CYP2A7: variants seen among roughly 807,000 people sequenced by gnomAD.
The protein encoded by CYP2A7 is cytochrome P450 2A7.
Under a neutral mutation model 42.0 loss-of-function variants are expected in CYP2A7, and 36 were observed. That is an observed-to-expected ratio of 0.86 (90% CI 0.66 to 1.13). CYP2A7 has a LOEUF of 1.13. Ranked by LOEUF, CYP2A7 falls within the 50% of genes most tolerant of loss-of-function variation. The pLI is 0.00. For synonymous variants in CYP2A7, 260 were observed against 249.5 expected (o/e 1.04, Z -0.40); for missense variants, 661 against 634.1 (o/e 1.04, Z -0.46).
intron 2 of CYP2A7, among the ~76,000 whole-genome samples, 174 bp from the exon 3 acceptor site, chr19:40,880,802 A>AC (rs1568527928): frequency 2.8e-3 from 8 of 2,834 alleles, no homozygotes; most frequent in East Asian, 7.8e-3. Context: ...CACGAGGGAG[A>AC]GAGAGAGAGA....
In CYP2A7 at chr19:40,880,246, T is replaced by G. The variant is rs1967624019; in HGVS notation, c.494-2A>C. ...AGAAGGTGGGATCGATATTGGCGCC[T>G]GCGGGTGTGGAGGGAGAAGGGGGTT... On this transcript the variant is annotated splice_acceptor_variant, in intron 3 of 8. Transcript: ENST00000301146. LOFTEE classifies it high-confidence loss of function. 1.2e-6 allele frequency: 2 copies of G among 1,612,124 alleles called. No individual in the cohort carries two copies. Among genetic ancestry groups the G allele is most frequent in the Admixed American group, 1.7e-5 (1 of 59,808 alleles).
intron 6 of CYP2A7, 38 bp from the exon 7 acceptor site, chr19:40,877,415 G>A: frequency 6.2e-7 from 1 of 1,604,806 alleles, no homozygotes. Context: ...GTATCTGGGA[G>A]TCTCAGAGCA....
rs919847602 is a variant in CYP2A7, at chr19:40,881,448, A to G, written c.343+141T>C. On this transcript the variant is annotated intron_variant, in intron 2 of 8. Coordinates refer to ENST00000301146, the MANE Select transcript of CYP2A7 (RefSeq NM_000764.3). ...TGAGGGATACACATGGAGAGGCCAC[A>G]GTGAAGGGAGATGGGGAGATAAGAC... is the stretch of plus-strand genomic sequence containing the variant. The G allele has an allele frequency of 5.4e-5, 77 of 1,420,788 alleles. 2 individuals carry two copies. Among genetic ancestry groups the G allele is most frequent in the Admixed American group, 6.9e-5 (3 of 43,684 alleles). The allele number at this position is 1,420,788 out of a possible 1,614,324, so 88.0% of individuals were successfully genotyped here. A position where few individuals can be genotyped will look rare whatever the true frequency, so the allele number is the denominator to read the frequency against.
At chr19:40,880,302 G>C in intron 3 of CYP2A7, 58 bp from the exon 4 acceptor site, 2 of 1,592,550 alleles carry the variant, frequency 1.3e-6, no homozygotes. Flanking sequence ...GGTCTGAGGA[G>C]AATCAGAATT....
rs1599795503 is a variant in CYP2A7 at position 40,881,500 on chromosome 19, C to A, written c.343+89G>T. The stretch of plus-strand genomic sequence containing the variant: ...AGACCGGGGGTTCTGCCATAGCCTC[C>A]AGTGGGCAGGAGAGTCAGGGAGAAG... On this transcript the variant is annotated intron_variant, in intron 2 of 8. Coordinates refer to ENST00000301146, the MANE Select transcript of CYP2A7 (RefSeq NM_000764.3). 26 of 1,586,112 alleles carry A rather than the reference C, an allele frequency of 1.6e-5. 1 individual carries two copies. The East Asian group carries it at 3.4e-4, about 20-fold the overall frequency.
rs1002533572 is a variant in CYP2A7 at position 40,881,714 on chromosome 19, A to G, written c.218T>C (p.Leu73Ser). Residue 73 changes from leucine to serine, a missense_variant, in exon 2 of 9, where the codon TTG becomes TCG. Around this residue, in one of 3 missense-constraint regions of CYP2A7, gnomAD observed 614 missense variants for 552.4 expected, o/e 1.11. Transcript: ENST00000301146. ...ECYGPVFTIH[L>S]GPRRVVVLCG... is the part of the protein sequence containing the mutation. ...CAGCACCACGACCCGCCGGGGCCCC[A>G]AGTGAATGGTGAACACGGGGCCATA... 17 of 1,609,788 alleles carry G rather than the reference A, an allele frequency of 1.1e-5. No homozygotes were observed. Among genetic ancestry groups the G allele is most frequent in the Non-Finnish European group, 1.4e-5 (16 of 1,177,866 alleles).
chr19:40,878,321 T>G (rs1021324137), intron 5 of CYP2A7, among the ~76,000 whole-genome samples: 1 of 151,810 alleles, frequency 6.6e-6, no homozygotes, highest in Admixed American at 6.6e-5. Context: ...TCCTCCACCC[T>G]TAGCCTCCTG....
At chr19:40,881,366 A>T (rs1009042181) in intron 2 of CYP2A7, among the ~76,000 whole-genome samples, 3 of 151,574 alleles carry the variant, frequency 2.0e-5, no homozygotes, top group African/African-American at 7.2e-5. Flanking sequence ...GAGAGAGAAT[A>T]AGGAGGTGGG....
rs564470109 is a variant in CYP2A7 at position 40,878,768 on chromosome 19, T to C, written c.823A>G (p.Met275Val). Residue 275 changes from methionine to valine, a missense_variant, in exon 5 of 9, where the codon ATG becomes GTG. By Grantham distance (21) the Met-to-Val change is conservative (BLOSUM62 1). Transcript: ENST00000301146. The stretch of plus-strand genomic sequence containing the variant: ...TGGCTGCTGGGGTGTACCTCCTGCA[T>C]GTGGATGAGAAAGGAGTCGATGAAG... The part of the protein sequence containing the change: ...QDFIDSFLIH[M>V]QEEEKNPNTE... The C allele has an allele frequency of 5.6e-6, 9 of 1,611,110 alleles. 1 individual carries two copies. The East Asian group carries it at 1.1e-4, about 20-fold the overall frequency.
chr19:40,880,417 G>A, intron 3 of CYP2A7, 62 bp downstream of exon 3: 1 of 1,583,092 alleles, frequency 6.3e-7, no homozygotes, highest in Non-Finnish European at 8.6e-7. Flanking sequence ...CAGAACGCGC[G>A]CGGGTTCCTC....
chr19:40,878,246 T>C (rs1311586819), intron 5 of CYP2A7, among the ~76,000 whole-genome samples: 1 of 151,746 alleles, frequency 6.6e-6, no homozygotes, highest in Non-Finnish European at 1.5e-5. Context: ...CAGTTTTTTT[T>C]TTCTTACACT....
rs1432316194 is a variant in CYP2A7, at chr19:40,877,252, G to A, written c.1099C>T (p.Pro367Ser). The change falls in exon 7 of 9, where the codon CCC becomes TCC. Residue 367 changes from proline to serine, a missense_variant. Pro to Ser is a moderately conservative substitution (Grantham distance 74). This residue lies in a region of CYP2A7 where 614 missense variants were observed against 552.4 expected (regional missense o/e 1.11). Transcript: ENST00000301146. ...HEIQRFGDVI[P>S]MSLARRVKKD... ...TTAACCCTGCGGGCCAAACTCATGG[G>A]GATCACGTCTCCAAATCTTTGGATC... 1.9e-6 allele frequency: 3 copies of A among 1,612,816 alleles called. No homozygotes were observed. Among genetic ancestry groups the A allele is most frequent in the East Asian group, 4.5e-5 (2 of 44,862 alleles).
chr19:40,876,338 T>C, intron 8 of CYP2A7, 189 bp downstream of exon 8: 2 of 937,140 alleles, frequency 2.1e-6, no homozygotes, highest in Non-Finnish European at 3.3e-6. Flanking sequence ...ATGTTTCCTT[T>C]CCTTTTACCT....
intron 2 of CYP2A7, among the ~76,000 whole-genome samples, chr19:40,881,227 G>A (rs1967675144): frequency 6.6e-6 from 1 of 150,830 alleles, no homozygotes; most frequent in African/African-American, 2.4e-5. Context: ...GTGGAGAGAG[G>A]AGAAACATGG....
rs1967593473 is a variant in CYP2A7 at position 40,878,776 on chromosome 19, A to C, written c.815T>G (p.Leu272Arg). The change falls in exon 5 of 9, where the codon CTC (leucine) becomes CGC (arginine). Residue 272 changes from leucine (L) to arginine (R), a missense_variant. Transcript: ENST00000301146. The stretch of plus-strand genomic sequence containing the variant: ...GGGGTGTACCTCCTGCATGTGGATG[A>C]GAAAGGAGTCGATGAAGTCCTGTGG... ...NSPQDFIDSF[L>R]IHMQEEEKNP... The C allele has an allele frequency of 1.2e-6, 2 of 1,611,020 alleles. No homozygotes were observed. Among genetic ancestry groups the C allele is most frequent in the Non-Finnish European group, 1.7e-6 (2 of 1,178,100 alleles).
At chr19:40,878,187 CCTT>C (rs1967579457) in intron 5 of CYP2A7, among the ~76,000 whole-genome samples, 194 bp from the exon 6 acceptor site, 1 of 151,564 alleles carries the variant, frequency 6.6e-6, no homozygotes, top group Non-Finnish European at 1.5e-5. Context: ...TTTCTTCTCA[CCTT>C]CTTTACGTTG....
In CYP2A7 at chr19:40,879,993, C is replaced by G. The variant is rs542250526; in HGVS notation, c.654+91G>C. On this transcript the variant is annotated intron_variant, in intron 4 of 8. Transcript: ENST00000301146. ...GATTTTGAGGGGACACTGTCTGGAG[C>G]GGGGTGGGAGTTTGGGGCACCTGTC... 948 of 1,566,630 alleles carry G rather than the reference C, an allele frequency of 6.1e-4. 7 individuals carry two copies. The African/African-American group carries it at 9.0e-3, about 15-fold the overall frequency.
chr19:40,880,909 A>G (rs111304976), intron 2 of CYP2A7, among the ~76,000 whole-genome samples: 10,590 of 148,350 alleles, frequency 0.071, 610 homozygotes, highest in Middle Eastern at 0.072. Flanking sequence ...GAAAGGCCAG[A>G]TAGAGATGCG....
chr19:40,881,961 C>T, intron 1 of CYP2A7, 70 bp downstream of exon 1: 3 of 1,567,082 alleles, frequency 1.9e-6, no homozygotes, highest in Non-Finnish European at 2.6e-6. Context: ...CTGGTCAATC[C>T]CCTGCCACAA....
Sources: gnomAD v4.1 joint callset for allele counts (sites outside exome capture counted in the v4.1 genomes callset) on GRCh38, gnomAD v4.1.1 for gene constraint, gnomAD v4.1.1 regional missense constraint, MANE v1.5 for transcripts, NCBI Gene and HGNC (gene_info 2026-07-23, HGNC 2026-07-21) for gene names.